The following EDN3 variants were observed in gnomAD, a reference collection of about 807,000 sequenced individuals.
EDN3 encodes the protein endothelin 3, also known as endothelin-3.
A neutral mutation model predicts 21.4 loss-of-function variants in EDN3; 9 were observed. That is an observed-to-expected ratio of 0.42 (90% CI 0.25 to 0.73). The LOEUF (loss-of-function observed/expected upper bound fraction) is 0.73, where lower values mean the gene tolerates loss of function less well. Ranked by LOEUF, EDN3 falls within the 30% of genes least tolerant of loss-of-function variation. EDN3 has a pLI of 0.26. For synonymous variants in EDN3, 133 were observed against 126.2 expected, an observed-to-expected ratio of 1.05 and a Z score of -0.36; for missense variants, 327 against 309.4, an observed-to-expected ratio of 1.06 and a Z score of -0.43.
intron 2 of EDN3, among the ~76,000 whole-genome samples, chr20:59,317,726 A>G (rs761531342): frequency 4.6e-5 from 7 of 152,196 alleles, no homozygotes; most frequent in Non-Finnish European, 8.8e-5. Context: ...ATGCTGAAGA[A>G]TGTTGGAGAT....
Position 59,301,543 on chromosome 20 carries a change from C to T in EDN3, c.186C>T (p.Gly62=), listed in dbSNP as rs1256693550. 2 of 1,613,328 alleles carry T rather than the reference C, an allele frequency of 1.2e-6. No individual in the cohort carries two copies. Among genetic ancestry groups the T allele is most frequent in the Non-Finnish European group, 1.7e-6 (2 of 1,179,836 alleles). Residue 62 remains glycine, a synonymous_variant, in exon 2 of 5, where the codon GGC becomes GGT. Coordinates refer to ENST00000337938, the MANE Select transcript of EDN3 (RefSeq NM_207034.3). ...GPGEETVAGP[G]EGTVAPTALQ... ...GCGAGGAGACTGTGGCTGGCCCTGG[C>T]GAGGGGACTGTGGCCCCGACAGCAC...
intron 2 of EDN3, among the ~76,000 whole-genome samples, chr20:59,317,208 T>A (rs557775308): frequency 6.6e-6 from 1 of 152,326 alleles, no homozygotes; most frequent in Non-Finnish European, 1.5e-5. Flanking sequence ...ACGTTATCAC[T>A]ACTGAAATAG....
intron 2 of EDN3, among the ~76,000 whole-genome samples, chr20:59,314,107 C>A (rs1240472564): frequency 6.6e-6 from 1 of 152,040 alleles, no homozygotes; most frequent in Non-Finnish European, 1.5e-5. Context: ...AGCGGGCACA[C>A]CTGGGGGAAA....
chr20:59,308,661 C>T (rs1568831528), intron 2 of EDN3, among the ~76,000 whole-genome samples: 1 of 152,186 alleles, frequency 6.6e-6, no homozygotes, highest in Non-Finnish European at 1.5e-5. Flanking sequence ...GTACACAGGG[C>T]GTGGTTAGCA....
intron 2 of EDN3, among the ~76,000 whole-genome samples, chr20:59,304,640 G>A (rs774896184): frequency 7.9e-5 from 12 of 152,090 alleles, no homozygotes; most frequent in Non-Finnish European, 1.6e-4. Flanking sequence ...TGCTCCCTTC[G>A]AGGATCTGAG....
chr20:59,309,499 C>A (rs1014733971), intron 2 of EDN3, among the ~76,000 whole-genome samples: 4 of 152,192 alleles, frequency 2.6e-5, no homozygotes, highest in Non-Finnish European at 5.9e-5. Context: ...ATTTAGAAAA[C>A]ATCATTTCAT....
intron 4 of EDN3, 101 bp from the exon 5 acceptor site, chr20:59,324,230 A>T: frequency 6.9e-7 from 1 of 1,445,300 alleles, no homozygotes; most frequent in Non-Finnish European, 9.7e-7. Context: ...CTGGAGAGGC[A>T]GTGGGAAGAC....
At chr20:59,309,828 C>T (rs765016517) in intron 2 of EDN3, among the ~76,000 whole-genome samples, 6 of 152,098 alleles carry the variant, frequency 3.9e-5, no homozygotes, top group Non-Finnish European at 5.9e-5. Flanking sequence ...GTTTTCTGCC[C>T]CAGAGTCAGC....
chr20:59,321,799 G>T (rs1990565505), intron 3 of EDN3, among the ~76,000 whole-genome samples: 2 of 152,196 alleles, frequency 1.3e-5, no homozygotes, highest in African/African-American at 4.8e-5. Context: ...GTCTGTCCTG[G>T]CTGCCTTAGG....
intron 1 of EDN3, 137 bp downstream of exon 1, chr20:59,301,001 T>TG: frequency 9.3e-7 from 1 of 1,071,968 alleles, no homozygotes; most frequent in Non-Finnish European, 1.3e-6. Flanking sequence ...TGAAGACGCC[T>TG]GGGGGAGGGC....
chr20:59,321,608 A>AC (rs1555849515), intron 3 of EDN3, among the ~76,000 whole-genome samples: 1 of 151,722 alleles, frequency 6.6e-6, no homozygotes, highest in Non-Finnish European at 1.5e-5. Flanking sequence ...GCTTATTGGG[A>AC]GGGGGGGGAA....
intron 4 of EDN3, among the ~76,000 whole-genome samples, chr20:59,323,889 G>A (rs1473621043): frequency 6.6e-6 from 1 of 152,190 alleles, no homozygotes; most frequent in Non-Finnish European, 1.5e-5. Flanking sequence ...GTCCCAGCAG[G>A]GCCTGGAAAA....
At chr20:59,307,830 C>A (rs1989532659) in intron 2 of EDN3, among the ~76,000 whole-genome samples, 1 of 151,636 alleles carries the variant, frequency 6.6e-6, no homozygotes, top group Non-Finnish European at 1.5e-5. Flanking sequence ...GTGCGTGTCA[C>A]CATGCCTAGC....
In EDN3 at chr20:59,322,248, C is replaced by T. The variant is rs550915170; in HGVS notation, c.543-124C>T. On this transcript the variant is annotated intron_variant, in intron 3 of 4. Coordinates refer to ENST00000337938, the MANE Select transcript of EDN3 (RefSeq NM_207034.3). The surrounding 1 kb of genome is among the most constrained non-coding windows in gnomAD (Gnocchi z 4.1). ...CAGCCTTCAGAAACTGTGCCTGAGA[C>T]GCAGTCCTTGGGGAACGCACTAATG... The T allele has an allele frequency of 1.2e-4, 126 of 1,061,720 alleles. No individual in the cohort carries two copies. In the South Asian group the frequency reaches 1.2e-3, roughly 10 times the overall value. The allele number at this position is 1,061,720 out of a possible 1,614,324, so 65.8% of individuals were successfully genotyped here.
At chr20:59,309,211 G>A (rs979418742) in intron 2 of EDN3, among the ~76,000 whole-genome samples, 1 of 152,218 alleles carries the variant, frequency 6.6e-6, no homozygotes, top group Non-Finnish European at 1.5e-5. Context: ...GGTAGGGGTG[G>A]TGATTGGGGT....
At chr20:59,320,149 G>A (rs1249829564) in intron 2 of EDN3, among the ~76,000 whole-genome samples, 2 of 152,194 alleles carry the variant, frequency 1.3e-5, no homozygotes, top group African/African-American at 4.8e-5. Context: ...ATGGTTTCAA[G>A]CCTTCTTCAT....
At position 59,305,774 on chromosome 20, in the gene EDN3, G is replaced by A. The variant is rs1461727698; in HGVS notation, c.365+4052G>A. On this transcript the variant is annotated intron_variant, in intron 2 of 4. Coordinates refer to ENST00000337938, the MANE Select transcript of EDN3 (RefSeq NM_207034.3). This position sits in a 1 kb window ranked among gnomAD's most constrained non-coding sequence, Gnocchi z 4.2. ...TTCTGTTCGGGAACCTGTCTTTTCT[G>A]TGAAGGCCCTCAACAGATTGGATGA... 6.6e-6 allele frequency among the ~76,000 whole-genome samples: 1 copy of A among 152,210 alleles called. No homozygotes were observed. The highest frequency in any genetic ancestry group is 1.5e-5 in the Non-Finnish European group (1 of 68,042).
intron 2 of EDN3, among the ~76,000 whole-genome samples, chr20:59,310,008 C>T (rs1169391287): frequency 6.6e-6 from 1 of 152,146 alleles, no homozygotes; most frequent in Non-Finnish European, 1.5e-5. Flanking sequence ...TGGATTTGTG[C>T]TAGATGAAAG....
intron 2 of EDN3, among the ~76,000 whole-genome samples, chr20:59,304,409 C>T (rs1989253024): frequency 6.6e-6 from 1 of 152,226 alleles, no homozygotes; most frequent in South Asian, 2.1e-4. Flanking sequence ...TGGTCTCCCT[C>T]TCCAAACTTC....
Sources: gnomAD v4.1 joint callset for allele counts (sites outside exome capture counted in the v4.1 genomes callset) on GRCh38, gnomAD v4.1.1 for gene constraint, Gnocchi (gnomAD v3.1) non-coding constraint, MANE v1.5 for transcripts, NCBI Gene and HGNC (gene_info 2026-07-23, HGNC 2026-07-21) for gene names.